Variants in MYLK observed in about 807,000 individuals in gnomAD.
MYLK encodes myosin light chain kinase.
A neutral mutation model predicts 203.4 loss-of-function variants in MYLK; 106 were observed. The ratio of observed to expected loss-of-function variants is 0.52; its 90% CI spans 0.45 to 0.61. MYLK has a LOEUF of 0.61. Ranked by LOEUF, MYLK falls within the 20% of genes least tolerant of loss-of-function variation. The pLI is 0.00. For synonymous variants in MYLK, 867 were observed against 959.5 expected, an observed-to-expected ratio of 0.90 and a Z score of 1.78; for missense variants, 2,072 against 2,442.3, an observed-to-expected ratio of 0.85 and a Z score of 3.20.
rs201775720 is a variant in MYLK, at chr3:123,654,344, A to AT, written c.4288+2781dup. ...ATACCTATTTTGTACCTAATTTTCA[A>AT]TTTTTTTTTCAAAACTAAACAGGGT... On this transcript the variant is annotated intron_variant, in intron 24 of 33. Coordinates refer to ENST00000360304, the MANE Select transcript of MYLK (RefSeq NM_053025.4). 6.3e-3 allele frequency among the ~76,000 whole-genome samples: 959 copies of AT among 151,416 alleles called. 14 individuals are homozygous for AT. Among genetic ancestry groups the AT allele is most frequent in the African/African-American group, 0.021 (868 of 41,288 alleles).
At chr3:123,805,325 C>T (rs555756132) in intron 3 of MYLK, among the ~76,000 whole-genome samples, 4 of 152,254 alleles carry the variant, frequency 2.6e-5, no homozygotes, top group East Asian at 1.9e-4. Flanking sequence ...GCCTGGCAAA[C>T]GGTATTAAGG....
At position 123,629,870 on chromosome 3, in the gene MYLK, T is replaced by C. The variant is rs749571448; in HGVS notation, c.4962-244A>G. 5 of 547,196 alleles carry C rather than the reference T, an allele frequency of 9.1e-6. No homozygotes were observed. The highest frequency in any genetic ancestry group is 1.6e-5 in the Non-Finnish European group (5 of 304,196). The allele number at this position is 547,196 out of a possible 1,614,324, so 33.9% of individuals were successfully genotyped here. A position where few individuals can be genotyped will look rare whatever the true frequency, so the allele number is the denominator to read the frequency against. On this transcript the variant is annotated intron_variant, in intron 29 of 33. Transcript: ENST00000360304. This position sits in a 1 kb window ranked among gnomAD's most constrained non-coding sequence, Gnocchi z 4.4. ...CCTGTGAGGCTGAGGTGCAGCAGGTTGGCTTTAGATTACGGGCTTCTGCAG... is the reference window on the plus strand; with the variant it reads ...CCTGTGAGGCTGAGGTGCAGCAGGTCGGCTTTAGATTACGGGCTTCTGCAG...
chr3:123,869,236 G>C (rs1003192744), intron 2 of MYLK, among the ~76,000 whole-genome samples: 3 of 152,124 alleles, frequency 2.0e-5, no homozygotes, highest in African/African-American at 7.2e-5. Context: ...CACATGAAAA[G>C]GTGGTGGTGT....
chr3:123,764,316 C>CACAGATGGGACCTGTGCA (rs554961870), intron 4 of MYLK, among the ~76,000 whole-genome samples: 72 of 152,236 alleles, frequency 4.7e-4, no homozygotes, highest in African/African-American at 1.5e-3. Context: ...ATACAAAGTT[C>CACAGATGGGACCTGTGCA]CAGGTGCACA....
In MYLK at chr3:123,647,721, A is replaced by ATT. The variant is rs36091148; in HGVS notation, c.4416-296_4416-295dup. ...CATTTGTTTTTTCTTATCTTTAAAC[A>ATT]TTTTTTTTTTTTTAGAGATGGGGTC... On this transcript the variant is annotated intron_variant, in intron 26 of 33. Coordinates refer to ENST00000360304, the MANE Select transcript of MYLK (RefSeq NM_053025.4). 2.4e-3 allele frequency among the ~76,000 whole-genome samples: 349 copies of ATT among 145,950 alleles called. 1 individual carries two copies. Among genetic ancestry groups the ATT allele is most frequent in the East Asian group, 0.019 (95 of 5,056 alleles).
chr3:123,824,310 G>A (rs922564832), intron 3 of MYLK, among the ~76,000 whole-genome samples: 1 of 152,066 alleles, frequency 6.6e-6, no homozygotes, highest in East Asian at 1.9e-4. Flanking sequence ...GGCTGGTCTC[G>A]AACTCCTGAC....
chr3:123,802,874 AC>A (rs1467161891), intron 3 of MYLK, among the ~76,000 whole-genome samples: 1 of 152,098 alleles, frequency 6.6e-6, no homozygotes, highest in East Asian at 1.9e-4. Context: ...CTTAGGTTTC[AC>A]CCCCTCAGGA....
intron 3 of MYLK, among the ~76,000 whole-genome samples, chr3:123,819,550 TAAGA>T (rs2065852796): frequency 6.6e-6 from 1 of 152,196 alleles, no homozygotes; most frequent in Non-Finnish European, 1.5e-5. Context: ...ATATGAAATC[TAAGA>T]CCCTTCACAG....
chr3:123,827,848 C>T (rs1306210611), intron 3 of MYLK, among the ~76,000 whole-genome samples: 1 of 146,872 alleles, frequency 6.8e-6, no homozygotes, highest in Non-Finnish European at 1.5e-5. Context: ...TACACACAAG[C>T]AACAAACTAG....
At chr3:123,835,361 T>G (rs1041596030) in intron 2 of MYLK, among the ~76,000 whole-genome samples, 2 of 152,122 alleles carry the variant, frequency 1.3e-5, no homozygotes, top group Admixed American at 6.5e-5. Flanking sequence ...CATCCCTGTG[T>G]AGAGTTTCTA....
At chr3:123,683,803 T>A (rs1221640733) in intron 19 of MYLK, among the ~76,000 whole-genome samples, 2 of 150,978 alleles carry the variant, frequency 1.3e-5, no homozygotes, top group Non-Finnish European at 2.9e-5. Flanking sequence ...TAGCAGTATG[T>A]GACGGGGTGT....
At chr3:123,813,386 A>C (rs959708925) in intron 3 of MYLK, among the ~76,000 whole-genome samples, 5 of 152,134 alleles carry the variant, frequency 3.3e-5, no homozygotes, top group Non-Finnish European at 7.4e-5. Context: ...GCAGCTTGGG[A>C]ATAATTACCT....
intron 33 of MYLK, among the ~76,000 whole-genome samples, chr3:123,615,040 C>T (rs1457932478): frequency 6.6e-6 from 1 of 151,608 alleles, no homozygotes; most frequent in African/African-American, 2.4e-5. Flanking sequence ...GTCTCAAACT[C>T]CTGGGCTCAA....
At chr3:123,817,183 A>T (rs957094972) in intron 3 of MYLK, among the ~76,000 whole-genome samples, 1 of 152,222 alleles carries the variant, frequency 6.6e-6, no homozygotes, top group Non-Finnish European at 1.5e-5. Flanking sequence ...CATCTAGGAT[A>T]GCAGAGATAT....
Position 123,700,421 on chromosome 3 carries a change from T to C in MYLK, c.3047A>G (p.Asn1016Ser). 6.2e-7 allele frequency: 1 copy of C among 1,613,076 alleles called. No individual in the cohort carries two copies. Among genetic ancestry groups the C allele is most frequent in the Non-Finnish European group, 8.5e-7 (1 of 1,179,658 alleles). ...KAVESSKPLS[N>S]AQPSGPLKPV... The stretch of plus-strand genomic sequence containing the variant: ...TTTCAAGGGCCCTGAAGGCTGTGCA[T>C]TGCTCAGGGGCTTGGAACTCTCCAC... The change falls in exon 18 of 34, where the codon AAT becomes AGT. Residue 1016 changes from asparagine (N) to serine (S), a missense_variant. By Grantham distance (46) the Asn-to-Ser change is conservative. Transcript: ENST00000360304.
chr3:123,662,896 T>C (rs181124926), intron 23 of MYLK, among the ~76,000 whole-genome samples: 1 of 152,270 alleles, frequency 6.6e-6, no homozygotes, highest in East Asian at 1.9e-4. Flanking sequence ...GCTGTACCCT[T>C]TTCACTCTGC....
At chr3:123,847,005 C>CTA (rs1236362658) in intron 2 of MYLK, among the ~76,000 whole-genome samples, 1 of 152,026 alleles carries the variant, frequency 6.6e-6, no homozygotes, top group African/African-American at 2.4e-5. Context: ...AGTTGGTTCT[C>CTA]TATATCCATG....
chr3:123,614,545 C>G (rs2057360197), intron 33 of MYLK, among the ~76,000 whole-genome samples, 196 bp from the exon 34 acceptor site: 1 of 152,162 alleles, frequency 6.6e-6, no homozygotes, highest in Admixed American at 6.5e-5. Flanking sequence ...TCTGAAACCC[C>G]AAATAGAATA....
intron 11 of MYLK, among the ~76,000 whole-genome samples, chr3:123,729,638 T>A (rs1330642917): frequency 6.6e-6 from 1 of 152,132 alleles, no homozygotes; most frequent in African/African-American, 2.4e-5. Context: ...ACCCAGCACT[T>A]TAGGAGGCTA....
Sources: allele counts gnomAD v4.1 joint callset (sites outside exome capture counted in the v4.1 genomes callset), GRCh38; gene constraint gnomAD v4.1.1; non-coding constraint Gnocchi (gnomAD v3.1); transcripts MANE v1.5; gene names NCBI Gene and HGNC (gene_info 2026-07-23, HGNC 2026-07-21).